SOX6: variants seen among roughly 807,000 people sequenced by gnomAD.
SOX6 encodes transcription factor SOX-6.
SOX6 carries 11 observed loss-of-function variants against 97.8 expected under a neutral mutation model. That is an observed-to-expected ratio of 0.11 (90% CI 0.07 to 0.19). The LOEUF (loss-of-function observed/expected upper bound fraction) is 0.19, where lower values mean the gene tolerates loss of function less well. SOX6 is among the 10% of genes least tolerant of loss of function. The probability of loss-of-function intolerance (pLI) is 1.00; values close to 1 mark genes in which losing one functional copy is unlikely to be tolerated. For synonymous variants in SOX6, 360 were observed against 371.4 expected, an observed-to-expected ratio of 0.97 and a Z score of 0.35; for missense variants, 810 against 1,039.5, an observed-to-expected ratio of 0.78 and a Z score of 3.04.
At chr11:16,544,651 G>A (rs1590239665) in intron 4 of SOX6, among the ~76,000 whole-genome samples, 2 of 152,118 alleles carry the variant, frequency 1.3e-5, no homozygotes, top group South Asian at 2.1e-4. Context: ...AAATATCACT[G>A]AATTATGCAT....
intron 4 of SOX6, among the ~76,000 whole-genome samples, chr11:16,532,627 T>A: frequency 6.6e-6 from 1 of 151,844 alleles, no homozygotes; most frequent in East Asian, 1.9e-4. Flanking sequence ...TACTCCAGAG[T>A]AATTGAAGGA....
chr11:16,237,054 C>A (rs1008602929), intron 3 of SOX6, among the ~76,000 whole-genome samples: 6 of 151,878 alleles, frequency 4.0e-5, no homozygotes, highest in Non-Finnish European at 5.9e-5. Flanking sequence ...TTAATAGCAA[C>A]CACTGATTGC....
chr11:16,686,900 T>G (rs1283153488), intron 3 of SOX6, among the ~76,000 whole-genome samples: 4 of 151,930 alleles, frequency 2.6e-5, no homozygotes, highest in Non-Finnish European at 5.9e-5. Flanking sequence ...GAGGCAGAGG[T>G]TACAGTGAGC....
intron 6 of SOX6, among the ~76,000 whole-genome samples, chr11:16,161,367 TAA>T (rs1850745849): frequency 6.6e-6 from 1 of 150,494 alleles, no homozygotes; most frequent in Admixed American, 6.7e-5. Context: ...AGATTATGTA[TAA>T]AGTCATATAT....
intron 6 of SOX6, among the ~76,000 whole-genome samples, chr11:16,138,267 G>A (rs1850026971): frequency 6.6e-6 from 1 of 152,138 alleles, no homozygotes; most frequent in Non-Finnish European, 1.5e-5. Flanking sequence ...ACACTATTCA[G>A]TGGGGCATCA....
chr11:16,368,911 T>C (rs1423677649), intron 1 of SOX6, among the ~76,000 whole-genome samples: 1 of 152,084 alleles, frequency 6.6e-6, no homozygotes, highest in Non-Finnish European at 1.5e-5. Context: ...AATTCAACAA[T>C]GAGCAAAAAT....
intron 1 of SOX6, among the ~76,000 whole-genome samples, chr11:16,460,776 C>A (rs1859908277): frequency 6.6e-6 from 1 of 152,082 alleles, no homozygotes; most frequent in African/African-American, 2.4e-5. Flanking sequence ...CTATTCTTCA[C>A]AGATGCCATG....
intron 1 of SOX6, among the ~76,000 whole-genome samples, chr11:16,394,543 C>A (rs1374137231): frequency 6.6e-6 from 1 of 151,786 alleles, no homozygotes; most frequent in East Asian, 1.9e-4. Context: ...TCATAAAACC[C>A]AGCCATCCTC....
At chr11:16,299,026 A>T (rs1855176496) in intron 3 of SOX6, among the ~76,000 whole-genome samples, 1 of 152,158 alleles carries the variant, frequency 6.6e-6, no homozygotes, top group Non-Finnish European at 1.5e-5. Flanking sequence ...ATTTTCTTTT[A>T]TTGTGTTACT....
chr11:16,691,172 T>C (rs1292130365), intron 3 of SOX6, among the ~76,000 whole-genome samples: 1 of 152,208 alleles, frequency 6.6e-6, no homozygotes, highest in Non-Finnish European at 1.5e-5. Context: ...AGAACGGTAT[T>C]GTCTGAGAAT....
chr11:16,225,236 G>A (rs1183031715), intron 4 of SOX6, among the ~76,000 whole-genome samples: 2 of 151,928 alleles, frequency 1.3e-5, no homozygotes, highest in Admixed American at 1.3e-4. Flanking sequence ...CTAGGTATGT[G>A]AACTTTGCTA....
At chr11:16,064,519 C>CAT (rs34969974) in intron 9 of SOX6, among the ~76,000 whole-genome samples, 3,222 of 146,450 alleles carry the variant, frequency 0.022, 103 homozygotes, top group Non-Finnish European at 0.023. Context: ...CAAAGCCATA[C>CAT]ATATATATAT....
At chr11:16,449,277 CTTTTTTTTTTTTT>C (rs10611823) in intron 1 of SOX6, among the ~76,000 whole-genome samples, 10 of 62,938 alleles carry the variant, frequency 1.6e-4, no homozygotes, top group Admixed American at 5.0e-4. Context: ...AATGCTCCTT[CTTTTTTTTTTTTT>C]TTTTTTTTTT....
intron 3 of SOX6, among the ~76,000 whole-genome samples, chr11:16,243,277 A>G (rs1853245300): frequency 6.6e-6 from 1 of 151,954 alleles, no homozygotes. Context: ...CACCACTAGT[A>G]CTTATCAATT....
chr11:16,298,326 T>C (rs2134269525), intron 3 of SOX6, among the ~76,000 whole-genome samples: 1 of 152,296 alleles, frequency 6.6e-6, no homozygotes, highest in East Asian at 1.9e-4. Flanking sequence ...TGCATATTAT[T>C]TAAACCTTTG....
chr11:16,575,590 T>C (rs1847979534), intron 4 of SOX6, among the ~76,000 whole-genome samples: 1 of 152,064 alleles, frequency 6.6e-6, no homozygotes, highest in East Asian at 1.9e-4. Flanking sequence ...AATGATACAG[T>C]TTGACAAAAA....
intron 4 of SOX6, among the ~76,000 whole-genome samples, chr11:16,544,679 G>A (rs963545991): frequency 4.6e-5 from 7 of 151,974 alleles, no homozygotes; most frequent in African/African-American, 1.7e-4. Flanking sequence ...TTTCTAAAGT[G>A]GTGAGTTTAT....
intron 3 of SOX6, among the ~76,000 whole-genome samples, chr11:16,706,746 T>A (rs1319794014): frequency 6.6e-6 from 1 of 151,290 alleles, no homozygotes; most frequent in Non-Finnish European, 1.5e-5. Flanking sequence ...TACATTTTCA[T>A]TAAAATGACA....
chr11:16,095,299 G>C (rs988934043), intron 9 of SOX6, among the ~76,000 whole-genome samples: 1 of 151,718 alleles, frequency 6.6e-6, no homozygotes, highest in Non-Finnish European at 1.5e-5. Context: ...GAGAAGGACT[G>C]GGTTCTTATA....
Sources: allele counts gnomAD v4.1 joint callset (sites outside exome capture counted in the v4.1 genomes callset), GRCh38; gene constraint gnomAD v4.1.1; transcripts MANE v1.5; gene names NCBI Gene and HGNC (gene_info 2026-07-23, HGNC 2026-07-21).